Variants in ARNT2 observed in about 807,000 individuals in gnomAD.
ARNT2 encodes ARNT protein 2.
ARNT2 carries 36 observed loss-of-function variants against 91.7 expected under a neutral mutation model. The observed-to-expected ratio is 0.39, with a 90% confidence interval of 0.30 to 0.52. The LOEUF is 0.52. Ranked by LOEUF, ARNT2 falls within the 20% of genes least tolerant of loss-of-function variation. The pLI is 0.72. For synonymous variants in ARNT2, 365 were observed against 347.1 expected, an observed-to-expected ratio of 1.05 and a Z score of -0.57; for missense variants, 775 against 939.3, an observed-to-expected ratio of 0.83 and a Z score of 2.29.
In ARNT2 at chr15:80,508,951, C is replaced by T. The variant is rs572917766; in HGVS notation, c.725+693C>T. ...CCTCTGTACCTTCAACCCTGTGCCCCCTGAGGGATGGTTGACATGAACTGC... is the reference window on the plus strand; with the variant it reads ...CCTCTGTACCTTCAACCCTGTGCCCTCTGAGGGATGGTTGACATGAACTGC... On this transcript the variant is annotated intron_variant, in intron 6 of 18. Transcript: ENST00000303329. 3.5e-4 allele frequency among the ~76,000 whole-genome samples: 53 copies of T among 152,238 alleles called. 1 individual carries two copies. Among genetic ancestry groups the T allele is most frequent in the African/African-American group, 1.2e-3 (48 of 41,528 alleles).
At chr15:80,413,290 C>T (rs1176662491) in intron 1 of ARNT2, among the ~76,000 whole-genome samples, 1 of 152,210 alleles carries the variant, frequency 6.6e-6, no homozygotes, top group East Asian at 1.9e-4. Flanking sequence ...TCCATATGGC[C>T]TTTCTCAAAC....
At chr15:80,496,596 C>A (rs948374993) in intron 5 of ARNT2, among the ~76,000 whole-genome samples, 7 of 152,122 alleles carry the variant, frequency 4.6e-5, no homozygotes, top group African/African-American at 1.7e-4. Context: ...GCCTGGATAA[C>A]CATATAGAAC....
intron 1 of ARNT2, among the ~76,000 whole-genome samples, chr15:80,441,589 C>T (rs1896190265): frequency 6.6e-6 from 1 of 152,094 alleles, no homozygotes; most frequent in South Asian, 2.1e-4. Context: ...GATTTTTTCC[C>T]AATGTAAAGA....
At chr15:80,588,791 T>A (rs745643273) in intron 17 of ARNT2, among the ~76,000 whole-genome samples, 40 of 152,252 alleles carry the variant, frequency 2.6e-4, no homozygotes, top group Non-Finnish European at 4.7e-4. Context: ...CTACTTGTCA[T>A]GGCTAGTTAG....
chr15:80,468,014 C>A (rs1282346563), intron 3 of ARNT2, among the ~76,000 whole-genome samples: 1 of 152,124 alleles, frequency 6.6e-6, no homozygotes, highest in African/African-American at 2.4e-5. Context: ...ATTATGATTG[C>A]CCCGCCCCAA....
In ARNT2 at chr15:80,453,815, GT is replaced by G. The variant is rs1418368624; in HGVS notation, c.146+2822del. Among the ~76,000 whole-genome samples the G allele has an allele frequency of 4.6e-5, 7 of 152,336 alleles. No homozygotes were observed. In the East Asian group the frequency reaches 1.4e-3, roughly 29 times the overall value. On this transcript the variant is annotated intron_variant, in intron 2 of 18. Transcript: ENST00000303329. ...GAAAGAAGAGAGAGGAGGAATGGGG[GT>G]GGTGGAAGGGGGTAGTGGCATTGGC... is the stretch of plus-strand genomic sequence containing the variant.
At chr15:80,481,358 C>T (rs1896884793) in intron 5 of ARNT2, among the ~76,000 whole-genome samples, 1 of 152,140 alleles carries the variant, frequency 6.6e-6, no homozygotes, top group Admixed American at 6.5e-5. Context: ...AAGAGTCTCC[C>T]TGCCTGGGAG....
chr15:80,524,840 A>G (rs1039413627), intron 8 of ARNT2, among the ~76,000 whole-genome samples: 1 of 151,102 alleles, frequency 6.6e-6, no homozygotes, highest in African/African-American at 2.4e-5. Flanking sequence ...GCGCCATTGC[A>G]CTCCAGCCTG....
chr15:80,475,051 G>A lies in ARNT2; in HGVS notation c.450G>A (p.Leu150=). 1.2e-6 allele frequency: 2 copies of A among 1,614,176 alleles called. No individual in the cohort carries two copies. The highest frequency in any genetic ancestry group is 2.7e-5 in the African/African-American group (2 of 75,048). The part of the protein sequence containing the change: ...HLILEAADGF[L]FVVAAETGRV... ...TCCTTGAAGCAGCTGATGGATTTCTGTTTGTGGTGGCTGCTGAGACAGGGC... is the reference window on the plus strand; with the variant it reads ...TCCTTGAAGCAGCTGATGGATTTCTATTTGTGGTGGCTGCTGAGACAGGGC... The change falls in exon 5 of 19, where the codon CTG becomes CTA. Residue 150 remains leucine (L), a synonymous_variant. Coordinates refer to ENST00000303329, the MANE Select transcript of ARNT2 (RefSeq NM_014862.4).
At chr15:80,410,113 C>A (rs968817124) in intron 1 of ARNT2, among the ~76,000 whole-genome samples, 1 of 152,046 alleles carries the variant, frequency 6.6e-6, no homozygotes, top group Non-Finnish European at 1.5e-5. Context: ...TGGACTGAAG[C>A]GGGAGGAAAA....
At chr15:80,428,049 G>A (rs1259492821) in intron 1 of ARNT2, among the ~76,000 whole-genome samples, 2 of 152,204 alleles carry the variant, frequency 1.3e-5, no homozygotes, top group African/African-American at 4.8e-5. Context: ...GTCTGTTGCA[G>A]GTATCTGTGG....
chr15:80,406,701 T>C (rs1276467911), intron 1 of ARNT2, among the ~76,000 whole-genome samples: 1 of 152,214 alleles, frequency 6.6e-6, no homozygotes. Flanking sequence ...CATAGGGTAT[T>C]GTTGGCGTTG....
At chr15:80,557,498 T>C (rs1898213460) in intron 11 of ARNT2, among the ~76,000 whole-genome samples, 1 of 152,098 alleles carries the variant, frequency 6.6e-6, no homozygotes, top group Non-Finnish European at 1.5e-5. Flanking sequence ...AATATAACTA[T>C]TGGGTACTGG....
intron 1 of ARNT2, among the ~76,000 whole-genome samples, chr15:80,439,700 G>A (rs964118208): frequency 6.6e-6 from 1 of 152,164 alleles, no homozygotes; most frequent in Non-Finnish European, 1.5e-5. Context: ...CATGCATCTT[G>A]GTCATTCATT....
rs116329223 is a variant in ARNT2, at chr15:80,561,732, C to G, written c.1165-1356C>G. Among the ~76,000 whole-genome samples the G allele has an allele frequency of 6.7e-3, 1,013 of 152,276 alleles. 14 individuals are homozygous for G. Among genetic ancestry groups the G allele is most frequent in the African/African-American group, 0.022 (934 of 41,538 alleles). On this transcript the variant is annotated intron_variant, in intron 11 of 18. Coordinates refer to ENST00000303329, the MANE Select transcript of ARNT2 (RefSeq NM_014862.4). ...CCTCCCTTTGGCCAGTGTATACACACTATGTTCACTACCTGCCCAGTAGTC... is the reference window on the plus strand; with the variant it reads ...CCTCCCTTTGGCCAGTGTATACACAGTATGTTCACTACCTGCCCAGTAGTC...
At chr15:80,464,308 C>T (rs929742713) in intron 3 of ARNT2, among the ~76,000 whole-genome samples, 2 of 147,698 alleles carry the variant, frequency 1.4e-5, no homozygotes, top group East Asian at 2.0e-4. Flanking sequence ...AGATACATCC[C>T]GATTGGGGGC....
chr15:80,428,269 A>G (rs1354536480), intron 1 of ARNT2, among the ~76,000 whole-genome samples: 2 of 152,246 alleles, frequency 1.3e-5, no homozygotes, highest in Admixed American at 1.3e-4. Context: ...GAACAGTGTA[A>G]TCGATATTCA....
At chr15:80,569,531 C>A (rs1212631684) in intron 12 of ARNT2, among the ~76,000 whole-genome samples, 2 of 152,206 alleles carry the variant, frequency 1.3e-5, no homozygotes, top group Non-Finnish European at 2.9e-5. Flanking sequence ...CTCTTCCACA[C>A]ATGCTCAGCT....
rs966404601 is a variant in ARNT2, at chr15:80,585,134, C to A, written c.1918+3730C>A. ...GCCAAAGCATTTCTTCCATTTCAGA[C>A]CTTTCACGTTATCTTGAGCTTTACT... On this transcript the variant is annotated intron_variant, in intron 17 of 18. Coordinates refer to ENST00000303329, the MANE Select transcript of ARNT2 (RefSeq NM_014862.4). 9.8e-5 allele frequency among the ~76,000 whole-genome samples: 15 copies of A among 152,352 alleles called. No individual in the cohort carries two copies. In the South Asian group the frequency reaches 1.5e-3, roughly 15 times the overall value.
Sources: allele counts gnomAD v4.1 joint callset (sites outside exome capture counted in the v4.1 genomes callset), GRCh38; gene constraint gnomAD v4.1.1; transcripts MANE v1.5; gene names NCBI Gene and HGNC (gene_info 2026-07-23, HGNC 2026-07-21).